The following EFCC1 variants were observed in gnomAD, a reference collection of about 807,000 sequenced individuals.
EFCC1 encodes EF-hand and coiled-coil domain-containing protein 1.
In EFCC1, 50 loss-of-function variants were observed where a neutral mutation model predicts 52.1. The observed-to-expected ratio is 0.96, with a 90% CI of 0.76 to 1.21. The LOEUF (loss-of-function observed/expected upper bound fraction) is 1.21, where lower values mean the gene tolerates loss of function less well. Among genes scored for constraint, EFCC1 ranks in the 50% most tolerant of loss-of-function variants. EFCC1 has a pLI of 0.00. For missense variants in EFCC1, 837 were observed against 867.3 expected (o/e 0.97, Z 0.44); for synonymous variants, 399 against 396.5 (o/e 1.01, Z -0.08).
chr3:129,029,589 T>TA (rs1946226790), intron 2 of EFCC1, among the ~76,000 whole-genome samples: 2 of 151,208 alleles, frequency 1.3e-5, no homozygotes, highest in South Asian at 4.2e-4. Flanking sequence ...TTTTTGGTTT[T>TA]TTTTTTGAGA....
At chr3:129,002,562 A>C in intron 1 of EFCC1, 1 of 755,082 alleles carries the variant, frequency 1.3e-6, no homozygotes, top group Non-Finnish European at 1.9e-6. Flanking sequence ...AATCACACTC[A>C]AACAACCATA....
At chr3:129,027,214 C>T (rs1946145195) in intron 2 of EFCC1, among the ~76,000 whole-genome samples, 1 of 152,196 alleles carries the variant, frequency 6.6e-6, no homozygotes, top group Non-Finnish European at 1.5e-5. Context: ...TCACGGTGGC[C>T]AGGGTGGGGT....
chr3:129,002,473 G>A, intron 1 of EFCC1, 149 bp downstream of exon 1: 7 of 1,357,214 alleles, frequency 5.2e-6, no homozygotes, highest in East Asian at 3.1e-5. Context: ...CAGCACACTT[G>A]CATCTTGCCC....
At chr3:129,003,027 G>A (rs921626237) in intron 1 of EFCC1, among the ~76,000 whole-genome samples, 7 of 152,210 alleles carry the variant, frequency 4.6e-5, no homozygotes, top group Non-Finnish European at 8.8e-5. Context: ...CAAGGGCAGT[G>A]CTGGGCCGCA....
At position 129,002,111 on chromosome 3, in the gene EFCC1, G is replaced by A. The variant is rs933468932; in HGVS notation, c.483G>A (p.Leu161=). The change falls in exon 1 of 8, where the codon CTG becomes CTA. Residue 161 remains leucine (L), a synonymous_variant. Transcript: ENST00000683648. ...TCGGCACCCGTGCGGGGCCCCGGCT[G>A]CCCCGCGGCGCTCTCAGCGAGCACA... The part of the protein sequence containing the change: ...GYFGTRAGPR[L]PRGALSEHIE... 16 of 1,483,608 alleles carry A rather than the reference G, an allele frequency of 1.1e-5. No homozygotes were observed. The highest frequency in any genetic ancestry group is 1.9e-4 in the Middle Eastern group (1 of 5,152). The allele number at this position is 1,483,608 out of a possible 1,614,324, so 91.9% of individuals were successfully genotyped here. A position where few individuals can be genotyped will look rare whatever the true frequency, so the allele number is the denominator to read the frequency against.
At position 129,015,021 on chromosome 3, in the gene EFCC1, A is replaced by T. The variant is rs548277302; in HGVS notation, c.980+10944A>T. Reference sequence around the variant, plus strand: ...CCTGGACAGCTGTCCTAGCCTCCTGACTGGTGTCCCAGCTCCATCAGAACC... The same window carrying T: ...CCTGGACAGCTGTCCTAGCCTCCTGTCTGGTGTCCCAGCTCCATCAGAACC... On this transcript the variant is annotated intron_variant, in intron 2 of 7. Transcript: ENST00000683648. Among the ~76,000 whole-genome samples, 4 of 152,132 alleles carry T rather than the reference A, an allele frequency of 2.6e-5. No individual in the cohort carries two copies. In the East Asian group the frequency reaches 7.7e-4, roughly 29 times the overall value.
At chr3:129,033,912 A>G (rs111592101) in intron 4 of EFCC1, among the ~76,000 whole-genome samples, 1,566 of 152,374 alleles carry the variant, frequency 0.01, 27 homozygotes, top group African/African-American at 0.036. Flanking sequence ...CCAGGAGGCC[A>G]CTGTGGCTGG....
intron 5 of EFCC1, among the ~76,000 whole-genome samples, chr3:129,036,458 G>A (rs1946354559): frequency 6.6e-6 from 1 of 152,278 alleles, no homozygotes; most frequent in Non-Finnish European, 1.5e-5. Flanking sequence ...GGGTACAACT[G>A]ACGGTTTAGG....
intron 3 of EFCC1, 31 bp downstream of exon 3, chr3:129,030,891 C>G (rs1378125216): frequency 6.5e-7 from 1 of 1,535,272 alleles, no homozygotes; most frequent in Non-Finnish European, 8.8e-7. Context: ...GTCTTCCTGC[C>G]AGGCTCACAG....
chr3:129,027,458 G>A (rs1279546263), intron 2 of EFCC1, among the ~76,000 whole-genome samples: 1 of 152,162 alleles, frequency 6.6e-6, no homozygotes, highest in Non-Finnish European at 1.5e-5. Context: ...CAGACTCTCC[G>A]CGGGGGCTCA....
At chr3:129,006,874 C>T (rs1945097369) in intron 2 of EFCC1, among the ~76,000 whole-genome samples, 1 of 152,164 alleles carries the variant, frequency 6.6e-6, no homozygotes. Context: ...GACTGACCTG[C>T]CCCAAAGCTC....
At chr3:129,028,933 G>C (rs1010523105) in intron 2 of EFCC1, among the ~76,000 whole-genome samples, 3 of 152,190 alleles carry the variant, frequency 2.0e-5, no homozygotes, top group African/African-American at 7.2e-5. Flanking sequence ...GAGCCACTGT[G>C]CCCAGCCTCA....
At chr3:129,003,227 C>A in intron 1 of EFCC1, 2 of 985,384 alleles carry the variant, frequency 2.0e-6, no homozygotes, top group Non-Finnish European at 2.4e-6. Context: ...TGTGGAATCC[C>A]AAGTAACGTA....
At chr3:129,039,614 G>A (rs776658946) in intron 7 of EFCC1, 98 bp from the exon 8 acceptor site, 176 of 1,500,490 alleles carry the variant, frequency 1.2e-4, no homozygotes, top group Admixed American at 7.7e-4. Flanking sequence ...GGGGCACAGC[G>A]GGTAAGAGTG....
intron 2 of EFCC1, among the ~76,000 whole-genome samples, chr3:129,027,419 G>A (rs1335470954): frequency 3.9e-5 from 6 of 152,160 alleles, no homozygotes; most frequent in Non-Finnish European, 8.8e-5. Context: ...GACGGAGCCC[G>A]GGCCGGGAGC....
intron 2 of EFCC1, among the ~76,000 whole-genome samples, chr3:129,009,158 C>T (rs1417742230): frequency 6.6e-6 from 1 of 152,206 alleles, no homozygotes; most frequent in African/African-American, 2.4e-5. Context: ...CCACTCTCCA[C>T]CTTTCTTCTC....
In EFCC1 at chr3:129,007,709, G is replaced by A. The variant is rs537040710; in HGVS notation, c.980+3632G>A. Among the ~76,000 whole-genome samples the A allele has an allele frequency of 3.4e-4, 52 of 152,300 alleles. 1 individual carries two copies. The South Asian group carries it at 0.01, about 30-fold the overall frequency. On this transcript the variant is annotated intron_variant, in intron 2 of 7. Transcript: ENST00000683648. The stretch of plus-strand genomic sequence containing the variant: ...CCAAACTCAGCTGAATTTAGACTGC[G>A]TTGAATTTCCTAACTTTGAGTCAAA...
intron 7 of EFCC1, 120 bp from the exon 8 acceptor site, chr3:129,039,592 C>T: frequency 6.9e-7 from 1 of 1,442,452 alleles, no homozygotes. Context: ...GGAAGCTGGG[C>T]AGGGCTGGGG....
chr3:129,034,610 A>C (rs1045576607), intron 5 of EFCC1, among the ~76,000 whole-genome samples: 3 of 152,204 alleles, frequency 2.0e-5, no homozygotes, highest in African/African-American at 7.2e-5. Context: ...AGGGACTCAG[A>C]CCAGATTGTC....
Sources: allele counts gnomAD v4.1 joint callset (sites outside exome capture counted in the v4.1 genomes callset), GRCh38; gene constraint gnomAD v4.1.1; transcripts MANE v1.5; gene names NCBI Gene and HGNC (gene_info 2026-07-23, HGNC 2026-07-21).